CCNB3: variants seen among roughly 807,000 people sequenced by gnomAD.
The protein encoded by CCNB3 is cyclin B3.
A neutral mutation model predicts 68.0 loss-of-function variants in CCNB3; 12 were observed. The observed-to-expected ratio is 0.18, with a 90% CI of 0.11 to 0.29. The LOEUF (loss-of-function observed/expected upper bound fraction) is 0.29, where lower values mean the gene tolerates loss of function less well. Ranked by LOEUF, CCNB3 falls within the 10% of genes least tolerant of loss-of-function variation. The pLI is 1.00. For synonymous variants in CCNB3, 354 were observed against 388.9 expected, an observed-to-expected ratio of 0.91 and a Z score of 1.06; for missense variants, 904 against 993.1, an observed-to-expected ratio of 0.91 and a Z score of 1.21.
At chrX:50,317,446 A>T (rs1360067760) in intron 8 of CCNB3, among the ~76,000 whole-genome samples, 2 of 111,280 alleles carry the variant, frequency 1.8e-5, no homozygotes, top group Admixed American at 1.9e-4. Flanking sequence ...TGCCTTCTTT[A>T]TGGATTATAC....
At chrX:50,210,354 A>G (rs943233594) in intron 1 of CCNB3, among the ~76,000 whole-genome samples, 73 of 112,221 alleles carry the variant, frequency 6.5e-4, no homozygotes, top group African/African-American at 2.2e-3. Flanking sequence ...CAGCTAAGGG[A>G]AAAATATGTT....
intron 9 of CCNB3, among the ~76,000 whole-genome samples, chrX:50,343,492 C>G (rs1923240887): frequency 9.0e-6 from 1 of 111,621 alleles, no homozygotes; most frequent in African/African-American, 3.3e-5. Flanking sequence ...TTGCTTGAGC[C>G]CAAGAATTTA....
At chrX:50,284,865 CATT>C (rs1036171587) in intron 2 of CCNB3, among the ~76,000 whole-genome samples, 3 of 111,501 alleles carry the variant, frequency 2.7e-5, no homozygotes, top group African/African-American at 9.8e-5. Flanking sequence ...TAAAGTGTCT[CATT>C]TAATTTGAAC....
chrX:50,298,069 A>T (rs1308724197), intron 5 of CCNB3, among the ~76,000 whole-genome samples: 3 of 111,675 alleles, frequency 2.7e-5, no homozygotes, highest in Non-Finnish European at 5.6e-5. Context: ...CAATCATGTC[A>T]TCTGCAAACA....
At chrX:50,298,839 C>T (rs1300277366) in intron 5 of CCNB3, among the ~76,000 whole-genome samples, 6 of 111,809 alleles carry the variant, frequency 5.4e-5, no homozygotes, top group Non-Finnish European at 1.1e-4. Flanking sequence ...AGAGATTCAA[C>T]TTCTTCCTGA....
At chrX:50,279,715 C>A (rs1487678451) in intron 1 of CCNB3, among the ~76,000 whole-genome samples, 2 of 87,105 alleles carry the variant, frequency 2.3e-5, no homozygotes, top group African/African-American at 4.2e-5. Context: ...TATGTATATT[C>A]ATATATGTAA....
chrX:50,347,674 G>A lies in CCNB3; in HGVS notation c.3859G>A (p.Glu1287Lys). 8.3e-7 allele frequency: 1 copy of A among 1,210,591 alleles called. No homozygotes were observed. Among genetic ancestry groups the A allele is most frequent in the Non-Finnish European group, 1.1e-6 (1 of 894,983 alleles). Residue 1287 changes from glutamate to lysine, a missense_variant, in exon 11 of 13, where the codon GAG becomes AAG. By Grantham distance (56) the Glu-to-Lys change is moderately conservative (BLOSUM62 1). This residue lies in a region of CCNB3 where 285 missense variants were observed against 383.4 expected (regional missense o/e 0.74). Coordinates refer to ENST00000376042, the MANE Select transcript of CCNB3 (RefSeq NM_033031.3). The stretch of plus-strand genomic sequence containing the variant: ...ACTGACCTTGTCCCGCTACATCTGC[G>A]AGATGACCCTGCAGGAATACCACTA... ...KTLTLSRYICEMTLQEYHYVQ... is the reference protein window; with the variant it reads ...KTLTLSRYICKMTLQEYHYVQ...
Position 50,225,291 on chromosome X carries a change from C to T in CCNB3, c.-113+20341C>T, listed in dbSNP as rs1015586351. Among the ~76,000 whole-genome samples the T allele has an allele frequency of 3.2e-4, 36 of 110,803 alleles. No individual in the cohort carries two copies. The South Asian group carries it at 6.6e-3, about 20-fold the overall frequency. Reference sequence around the variant, plus strand: ...TGCGGGAACATCTTGTACAAAAATACCAGGTACAGAGAGTTTGGTAAATTC... The same window carrying T: ...TGCGGGAACATCTTGTACAAAAATATCAGGTACAGAGAGTTTGGTAAATTC... On this transcript the variant is annotated intron_variant, in intron 1 of 12. Coordinates refer to ENST00000376042, the MANE Select transcript of CCNB3 (RefSeq NM_033031.3).
chrX:50,299,526 A>G (rs1936573093), intron 5 of CCNB3, among the ~76,000 whole-genome samples: 1 of 111,011 alleles, frequency 9.0e-6, no homozygotes, highest in South Asian at 3.8e-4. Flanking sequence ...GTTCTTTACC[A>G]TTTGCTGAGG....
At chrX:50,228,137 TAATA>T (rs1323649356) in intron 1 of CCNB3, among the ~76,000 whole-genome samples, 2 of 91,169 alleles carry the variant, frequency 2.2e-5, no homozygotes, top group African/African-American at 4.0e-5. Context: ...AATATATACA[TAATA>T]TATATATAAA....
Position 50,351,728 on chromosome X carries a change from A to G in CCNB3, c.*25A>G. The G allele has an allele frequency of 1.9e-6, 2 of 1,073,462 alleles. No individual in the cohort carries two copies. Among genetic ancestry groups the G allele is most frequent in the South Asian group, 4.0e-5 (2 of 50,379 alleles). 88.5% of individuals were successfully genotyped at this position (1,073,462 alleles called of 1,213,427 possible). A position where few individuals can be genotyped will look rare whatever the true frequency, so the allele number is the denominator to read the frequency against. On this transcript the variant is annotated 3_prime_UTR_variant, in exon 13 of 13. Transcript: ENST00000376042. ...GCAGCAGCCACAGGGCTAAGCATGCATGTTAACAGGGTATATTTATTCTAT... is the reference window on the plus strand; with the variant it reads ...GCAGCAGCCACAGGGCTAAGCATGCGTGTTAACAGGGTATATTTATTCTAT...
Position 50,315,765 on chromosome X carries a change from TCTCC to T in CCNB3, c.3516+1823_3516+1826del, listed in dbSNP as rs781942465. 6.9e-3 allele frequency among the ~76,000 whole-genome samples: 771 copies of T among 111,788 alleles called. 8 individuals carry two copies. The highest frequency in any genetic ancestry group is 0.024 in the African/African-American group (725 of 30,799). ...TGCCACTTTTTGTTAGCCACAACCA[TCTCC>T]CTCCCCTCTCCTTCCTGTCCCTGAC... is the stretch of plus-strand genomic sequence containing the variant. On this transcript the variant is annotated intron_variant, in intron 8 of 12. Coordinates refer to ENST00000376042, the MANE Select transcript of CCNB3 (RefSeq NM_033031.3).
chrX:50,299,126 A>G (rs58996793), intron 5 of CCNB3, among the ~76,000 whole-genome samples: 2,607 of 110,952 alleles, frequency 0.023, 65 homozygotes, highest in African/African-American at 0.082. Context: ...TTGTGTCTCT[A>G]TTGCCTTCAT....
At chrX:50,205,198 T>C (rs1557205289) in intron 1 of CCNB3, among the ~76,000 whole-genome samples, 3 of 112,112 alleles carry the variant, frequency 2.7e-5, no homozygotes, top group African/African-American at 9.7e-5. Context: ...TCCCAGCACT[T>C]TGGGAGGCCG....
At chrX:50,203,870 TA>T (rs1935305004), upstream of CCNB3, among the ~76,000 whole-genome samples, 1 of 111,317 alleles carries the variant, frequency 9.0e-6, no homozygotes, top group African/African-American at 3.3e-5. Context: ...GAAAATGACT[TA>T]TGGCTAATTT....
chrX:50,302,106 C>G (rs1389634056), intron 5 of CCNB3, among the ~76,000 whole-genome samples: 1 of 112,595 alleles, frequency 8.9e-6, no homozygotes, highest in Non-Finnish European at 1.9e-5. Context: ...CTTCACCCTG[C>G]TTCAACTCGT....
chrX:50,298,106 A>C (rs1557211548), intron 5 of CCNB3, among the ~76,000 whole-genome samples: 1 of 111,427 alleles, frequency 9.0e-6, no homozygotes, highest in Admixed American at 9.6e-5. Flanking sequence ...CTCTTTTCCT[A>C]ATTGAATGCC....
chrX:50,300,514 G>A (rs1936604368), intron 5 of CCNB3, among the ~76,000 whole-genome samples: 1 of 111,886 alleles, frequency 8.9e-6, no homozygotes, highest in Non-Finnish European at 1.9e-5. Flanking sequence ...CTGTAAGTCT[G>A]ATGGGCTTCC....
chrX:50,219,692 A>G (rs1436884750), intron 1 of CCNB3, among the ~76,000 whole-genome samples: 1 of 111,639 alleles, frequency 9.0e-6, no homozygotes, highest in Non-Finnish European at 1.9e-5. Context: ...TATAGTTTGA[A>G]GTCAGGTAGC....
Sources: gnomAD v4.1 joint callset for allele counts (sites outside exome capture counted in the v4.1 genomes callset) on GRCh38, gnomAD v4.1.1 for gene constraint, gnomAD v4.1.1 regional missense constraint, MANE v1.5 for transcripts, NCBI Gene and HGNC (gene_info 2026-07-23, HGNC 2026-07-21) for gene names.